The following CHRM3 variants were observed in gnomAD, a reference collection of about 807,000 sequenced individuals.
CHRM3 encodes cholinergic receptor muscarinic 3.
A neutral mutation model predicts 41.8 loss-of-function variants in CHRM3; 11 were observed. The observed-to-expected ratio is 0.26, with a 90% CI of 0.17 to 0.44. CHRM3 has a LOEUF of 0.44. Among genes scored for constraint, CHRM3 ranks in the 20% least tolerant of loss-of-function variants. The probability of loss-of-function intolerance (pLI) is 1.00; values close to 1 mark genes in which losing one functional copy is unlikely to be tolerated. For synonymous variants in CHRM3, 297 were observed against 301.4 expected (o/e 0.99, Z 0.15); for missense variants, 571 against 745.4 (o/e 0.77, Z 2.72).
chr1:239,451,055 C>G lies in CHRM3; in HGVS notation c.-520-41654C>G, dbSNP rs572747173. ...GGGCAACACAGCGAGACCCCTGTCTCTACAAATAATGTTAAAATCTTAGCC... is the reference window on the plus strand; with the variant it reads ...GGGCAACACAGCGAGACCCCTGTCTGTACAAATAATGTTAAAATCTTAGCC... On this transcript the variant is annotated intron_variant, in intron 1 of 6. Transcript: ENST00000676153. Among the ~76,000 whole-genome samples the G allele has an allele frequency of 9.9e-5, 15 of 152,090 alleles. No homozygotes were observed. The South Asian group carries it at 3.1e-3, about 32-fold the overall frequency.
intron 5 of CHRM3, among the ~76,000 whole-genome samples, chr1:239,826,085 A>C (rs1672437680): frequency 6.6e-6 from 1 of 152,148 alleles, no homozygotes; most frequent in Non-Finnish European, 1.5e-5. Flanking sequence ...GTGGATAAAG[A>C]GTTTCAGTTT....
chr1:239,579,607 G>T (rs1662680686), intron 3 of CHRM3, among the ~76,000 whole-genome samples: 1 of 152,022 alleles, frequency 6.6e-6, no homozygotes, highest in Non-Finnish European at 1.5e-5. Context: ...AGGGCTTAGG[G>T]TTCACCTTAG....
At chr1:239,708,737 T>TTTC (rs386370165) in intron 5 of CHRM3, among the ~76,000 whole-genome samples, 10 of 21,366 alleles carry the variant, frequency 4.7e-4, no homozygotes, top group Non-Finnish European at 8.1e-4. Context: ...TTAAATTTTC[T>TTTC]TTTTTTTTTT....
chr1:239,662,909 T>TCTTCTTCTTCTTCTTCTTCTTCTTCTC lies in CHRM3; in HGVS notation c.-249-15254_-249-15253insTCTCCTTCTTCTTCTTCTTCTTCTTCT, dbSNP rs1558431440. 2.3e-4 allele frequency among the ~76,000 whole-genome samples: 31 copies of TCTTCTTCTTCTTCTTCTTCTTCTTCTC among 137,510 alleles called. 1 individual carries two copies. Among genetic ancestry groups the TCTTCTTCTTCTTCTTCTTCTTCTTCTC allele is most frequent in the South Asian group, 1.7e-3 (7 of 4,162 alleles). The allele number at this position is 137,510 out of a possible 152,430, so 90.2% of individuals were successfully genotyped here. ...TTCCTCCTCCTCTTCTTCTTCTTCT[T>TCTTCTTCTTCTTCTTCTTCTTCTTCTC]CTTCTTCTTCTTCTTCTTCTTCTCC... On this transcript the variant is annotated intron_variant, in intron 4 of 6. Coordinates refer to ENST00000676153, the MANE Select transcript of CHRM3 (RefSeq NM_001375978.1).
At chr1:239,525,299 A>G (rs939001364) in intron 2 of CHRM3, among the ~76,000 whole-genome samples, 15 of 152,268 alleles carry the variant, frequency 9.9e-5, no homozygotes, top group Non-Finnish European at 2.1e-4. Context: ...TGATCCCACC[A>G]CTGCTCTCCA....
At chr1:239,731,568 A>G (rs1039602850) in intron 5 of CHRM3, among the ~76,000 whole-genome samples, 2 of 151,900 alleles carry the variant, frequency 1.3e-5, no homozygotes, top group Admixed American at 1.3e-4. Context: ...GAACAAGAGA[A>G]AGGAAGAGGG....
intron 1 of CHRM3, among the ~76,000 whole-genome samples, chr1:239,467,349 T>A (rs1008752595): frequency 6.6e-6 from 1 of 152,190 alleles, no homozygotes; most frequent in Admixed American, 6.5e-5. Context: ...TCACCCAGGC[T>A]GGAGTGCACT....
chr1:239,757,579 G>A (rs192349033), intron 5 of CHRM3, among the ~76,000 whole-genome samples: 529 of 150,878 alleles, frequency 3.5e-3, no homozygotes, highest in Non-Finnish European at 5.1e-3. Flanking sequence ...GCAGTGAGCC[G>A]AGATCGCGCC....
intron 5 of CHRM3, among the ~76,000 whole-genome samples, chr1:239,805,715 AT>A (rs1333911388): frequency 3.3e-5 from 5 of 152,148 alleles, no homozygotes; most frequent in African/African-American, 9.7e-5. Flanking sequence ...TTTTTGAGTA[AT>A]AAAAATATAT....
At chr1:239,849,234 G>T (rs1558177236) in intron 6 of CHRM3, among the ~76,000 whole-genome samples, 1 of 152,136 alleles carries the variant, frequency 6.6e-6, no homozygotes, top group Non-Finnish European at 1.5e-5. Flanking sequence ...CACATCAATG[G>T]AGGAAGACAC....
chr1:239,798,358 C>T (rs915140143), intron 5 of CHRM3, among the ~76,000 whole-genome samples: 1 of 152,096 alleles, frequency 6.6e-6, no homozygotes, highest in African/African-American at 2.4e-5. Flanking sequence ...AGGGTTGGCA[C>T]CCCTAATCCC....
At chr1:239,430,888 C>T (rs1019777925) in intron 1 of CHRM3, among the ~76,000 whole-genome samples, 1 of 151,574 alleles carries the variant, frequency 6.6e-6, no homozygotes, top group Admixed American at 6.6e-5. Flanking sequence ...GAAAACAGAA[C>T]AATGTCTAAG....
At chr1:239,798,252 G>C (rs997008284) in intron 5 of CHRM3, among the ~76,000 whole-genome samples, 2 of 152,068 alleles carry the variant, frequency 1.3e-5, no homozygotes, top group Non-Finnish European at 2.9e-5. Context: ...TCAGCTGTTT[G>C]TTACCATTGT....
intron 6 of CHRM3, among the ~76,000 whole-genome samples, chr1:239,897,105 C>T (rs1344192079): frequency 6.6e-6 from 1 of 152,144 alleles, no homozygotes; most frequent in Non-Finnish European, 1.5e-5. Context: ...GTGGCAGAAT[C>T]GGGTGTACTT....
intron 3 of CHRM3, among the ~76,000 whole-genome samples, chr1:239,567,471 A>C (rs1018726654): frequency 6.6e-6 from 1 of 152,148 alleles, no homozygotes; most frequent in South Asian, 2.1e-4. Context: ...TTTTTTCTCA[A>C]TACAACAATA....
At chr1:239,832,107 C>T (rs1460978370) in intron 6 of CHRM3, among the ~76,000 whole-genome samples, 5 of 152,120 alleles carry the variant, frequency 3.3e-5, no homozygotes, top group African/African-American at 9.7e-5. Context: ...GAATGTTTTA[C>T]GGTAAAATCA....
chr1:239,402,635 C>T (rs563181044), intron 1 of CHRM3, among the ~76,000 whole-genome samples: 1 of 152,160 alleles, frequency 6.6e-6, no homozygotes. Context: ...CAAATTTATT[C>T]TCCCTAGCTT....
chr1:239,596,389 G>A (rs1664775902), intron 3 of CHRM3, among the ~76,000 whole-genome samples: 1 of 152,066 alleles, frequency 6.6e-6, no homozygotes, highest in African/African-American at 2.4e-5. Context: ...AAGTACAAAA[G>A]GGGAGACCTT....
chr1:239,690,525 G>A (rs539586933), intron 5 of CHRM3, among the ~76,000 whole-genome samples: 2 of 151,896 alleles, frequency 1.3e-5, no homozygotes, highest in East Asian at 1.9e-4. Flanking sequence ...CACTGCACCC[G>A]GCCCTGAAAT....
Sources: gnomAD v4.1 joint callset for allele counts (sites outside exome capture counted in the v4.1 genomes callset) on GRCh38, gnomAD v4.1.1 for gene constraint, MANE v1.5 for transcripts, NCBI Gene and HGNC (gene_info 2026-07-23, HGNC 2026-07-21) for gene names.